Variants in BET1 observed in about 807,000 individuals in gnomAD.
The protein encoded by BET1 is Bet1 golgi vesicular membrane trafficking protein.
BET1 carries 9 observed loss-of-function variants against 13.9 expected under a neutral mutation model. The observed-to-expected ratio is 0.65, with a 90% confidence interval of 0.39 to 1.13. The LOEUF (loss-of-function observed/expected upper bound fraction) is 1.13, where lower values mean the gene tolerates loss of function less well. Among genes scored for constraint, BET1 ranks in the 50% most tolerant of loss-of-function variants. The pLI is 0.01. For missense variants in BET1, 127 were observed against 133.6 expected (o/e 0.95, Z 0.24); for synonymous variants, 39 against 47.3 (o/e 0.82, Z 0.72).
chr7:94,002,449 GCTT>G (rs1212980577), intron 1 of BET1, among the ~76,000 whole-genome samples: 3 of 116,146 alleles, frequency 2.6e-5, no homozygotes, highest in African/African-American at 1.1e-4. Flanking sequence ...TCACAGAAGA[GCTT>G]TTTTTTAAAA....
At chr7:93,997,779 C>T (rs1328943200) in intron 2 of BET1, among the ~76,000 whole-genome samples, 2 of 152,128 alleles carry the variant, frequency 1.3e-5, no homozygotes, top group Non-Finnish European at 2.9e-5. Context: ...CAAATTTACT[C>T]AACACCATTG....
At chr7:93,989,704 T>C, downstream of BET1, among the ~76,000 whole-genome samples, 1 of 152,228 alleles carries the variant, frequency 6.6e-6, no homozygotes, top group East Asian at 1.9e-4. Flanking sequence ...CCTGTGGAAA[T>C]AGGGTTTATG....
At chr7:94,002,461 A>T (rs200524035) in intron 1 of BET1, among the ~76,000 whole-genome samples, 38,240 of 134,992 alleles carry the variant, frequency 0.28, 5,880 homozygotes, top group East Asian at 0.43. Context: ...TTTTTTTTAA[A>T]AAAAAAAAAA....
intron 5 of BET1, among the ~76,000 whole-genome samples, chr7:93,975,730 A>G (rs1451902857): frequency 1.3e-5 from 2 of 152,108 alleles, no homozygotes; most frequent in African/African-American, 4.8e-5. Context: ...CATTTTTGAA[A>G]GCCGAGATGA....
chr7:93,996,361 A>T, intron 2 of BET1, 40 bp from the exon 3 acceptor site: 1 of 1,375,236 alleles, frequency 7.3e-7, no homozygotes, highest in Non-Finnish European at 9.9e-7. Context: ...CTCACATAAA[A>T]GTATTCAAGT....
intron 5 of BET1, among the ~76,000 whole-genome samples, chr7:93,973,040 G>A (rs527936975): frequency 1.3e-5 from 2 of 151,916 alleles, no homozygotes; most frequent in South Asian, 2.1e-4. Flanking sequence ...CGAAATGAAA[G>A]AGTATCAGGA....
intron 6 of BET1, among the ~76,000 whole-genome samples, chr7:93,966,573 A>T (rs976830147): frequency 6.6e-6 from 1 of 151,214 alleles, no homozygotes; most frequent in African/African-American, 2.4e-5. Context: ...TGTCACTTGA[A>T]AGTCTGACGG....
chr7:93,999,564 T>C (rs1795850029), intron 1 of BET1: 6 of 455,636 alleles, frequency 1.3e-5, no homozygotes, highest in Admixed American at 1.2e-4. Context: ...GATACAAAAA[T>C]AGGTACTAAT....
At position 93,994,496 on chromosome 7, in the gene BET1, T is replaced by C. The variant is rs542472377; in HGVS notation, c.202-111A>G. On this transcript the variant is annotated intron_variant, in intron 3 of 3. Transcript: ENST00000222547. Reference sequence around the variant, plus strand: ...CATAGTACATTTGTAATGACAGTTTTGTGTTTAATCAATTCAGGAGCCTGT... The same window carrying C: ...CATAGTACATTTGTAATGACAGTTTCGTGTTTAATCAATTCAGGAGCCTGT... 6.6e-6 allele frequency: 8 copies of C among 1,217,574 alleles called. No individual in the cohort carries two copies. In the East Asian group the frequency reaches 2.1e-4, roughly 31 times the overall value. The allele number at this position is 1,217,574 out of a possible 1,614,324, so 75.4% of individuals were successfully genotyped here. A position where few individuals can be genotyped will look rare whatever the true frequency, so the allele number is the denominator to read the frequency against.
chr7:93,975,664 T>C, intron 5 of BET1, among the ~76,000 whole-genome samples: 1 of 152,266 alleles, frequency 6.6e-6, no homozygotes, highest in South Asian at 2.1e-4. Context: ...TTTGCATAGA[T>C]ACTTAAATTG....
intron 2 of BET1, among the ~76,000 whole-genome samples, chr7:93,997,801 T>G (rs1795804874): frequency 6.6e-6 from 1 of 152,224 alleles, no homozygotes; most frequent in Non-Finnish European, 1.5e-5. Context: ...TAAGGAATTA[T>G]GCTAAGTGCT....
At chr7:93,990,847 G>A (rs563762038), downstream of BET1, among the ~76,000 whole-genome samples, 10 of 149,158 alleles carry the variant, frequency 6.7e-5, no homozygotes, top group Non-Finnish European at 1.3e-4. Flanking sequence ...TTTTTTTTTC[G>A]GTCAGAAACA....
At chr7:93,965,450 T>A (rs1019827653) in exon 7 of BET1, 5 of 152,134 alleles carry the variant, frequency 3.3e-5, no homozygotes, top group Non-Finnish European at 7.4e-5. Context: ...TGCTAATATA[T>A]AATCTATACA....
intron 4 of BET1, among the ~76,000 whole-genome samples, chr7:93,979,166 G>A (rs567690140): frequency 9.2e-5 from 14 of 152,108 alleles, no homozygotes; most frequent in Non-Finnish European, 1.6e-4. Context: ...CAGGAAGGGA[G>A]TATCTTCAAT....
rs182335680 is a variant in BET1 at position 93,979,575 on chromosome 7, T to C, written c.236-3475A>G. Reference sequence around the variant, plus strand: ...ATGAACCAATTCTTTTTGTGAGAACTTCAGAAACTAACTGAGGGACTCCTG... The same window carrying C: ...ATGAACCAATTCTTTTTGTGAGAACCTCAGAAACTAACTGAGGGACTCCTG... On this transcript the variant is annotated intron_variant and NMD_transcript_variant, in intron 4 of 6. Coordinates refer to the BET1 transcript ENST00000357520. Among the ~76,000 whole-genome samples, 427 of 152,088 alleles carry C rather than the reference T, an allele frequency of 2.8e-3. 1 individual carries two copies. The highest frequency in any genetic ancestry group is 9.8e-3 in the African/African-American group (405 of 41,504).
Position 93,999,104 on chromosome 7 carries a change from T to C in BET1, c.144+66A>G, listed in dbSNP as rs560835651. Reference sequence around the variant, plus strand: ...TTAGGATGACGTCAATAAGAATATATAGTTTATAATTATATGTATAGAAAT... The same window carrying C: ...TTAGGATGACGTCAATAAGAATATACAGTTTATAATTATATGTATAGAAAT... On this transcript the variant is annotated intron_variant, in intron 2 of 3. Coordinates refer to ENST00000222547, the MANE Select transcript of BET1 (RefSeq NM_005868.6). 207 of 1,241,396 alleles carry C rather than the reference T, an allele frequency of 1.7e-4. 2 individuals carry two copies. In the African/African-American group the frequency reaches 2.2e-3, roughly 13 times the overall value. The allele number at this position is 1,241,396 out of a possible 1,614,324, so 76.9% of individuals were successfully genotyped here.
exon 7 of BET1, chr7:93,965,668 G>A (rs1795161120): frequency 1.3e-5 from 2 of 151,958 alleles, no homozygotes; most frequent in Admixed American, 1.3e-4. Flanking sequence ...TGCCCAACTA[G>A]GAGTTCTCTG....
intron 3 of BET1, among the ~76,000 whole-genome samples, chr7:93,995,759 C>A (rs1795753926): frequency 6.6e-6 from 1 of 152,042 alleles, no homozygotes; most frequent in Non-Finnish European, 1.5e-5. Flanking sequence ...TAAACGTTAA[C>A]AAATGGAAGG....
At chr7:93,989,547 CTG>C (rs1795592482), downstream of BET1, among the ~76,000 whole-genome samples, 1 of 152,198 alleles carries the variant, frequency 6.6e-6, no homozygotes, top group Non-Finnish European at 1.5e-5. Context: ...CTTGTCCCAT[CTG>C]TTACAAACTT....
Sources: gnomAD v4.1 joint callset for allele counts (sites outside exome capture counted in the v4.1 genomes callset) on GRCh38, gnomAD v4.1.1 for gene constraint, MANE v1.5 for transcripts, NCBI Gene and HGNC (gene_info 2026-07-23, HGNC 2026-07-21) for gene names.